Variants in CRHR2 observed in about 807,000 individuals in gnomAD.
CRHR2 encodes corticotropin releasing hormone receptor 2, also known as corticotropin-releasing hormone receptor 2.
Under a neutral mutation model 57.9 loss-of-function variants are expected in CRHR2, and 53 were observed. The ratio of observed to expected loss-of-function variants is 0.92; its 90% CI spans 0.73 to 1.15. The LOEUF (loss-of-function observed/expected upper bound fraction) is 1.15, where lower values mean the gene tolerates loss of function less well. Ranked by LOEUF, CRHR2 falls within the 50% of genes most tolerant of loss-of-function variation. The pLI, the probability that CRHR2 is intolerant of heterozygous loss-of-function variation, is 0.00. For missense variants in CRHR2, 532 were observed against 542.6 expected, an observed-to-expected ratio of 0.98 and a Z score of 0.19; for synonymous variants, 213 against 220.9, an observed-to-expected ratio of 0.96 and a Z score of 0.32.
chr7:30,654,877 A>G (rs1235446695), intron 11 of CRHR2, 162 bp downstream of exon 11: 1 of 1,550,116 alleles, frequency 6.5e-7, no homozygotes, highest in Admixed American at 2.0e-5. Flanking sequence ...AACTGGCTCC[A>G]GCCCCTGTGA....
upstream of CRHR2, chr7:30,686,494 T>C: frequency 6.6e-7 from 1 of 1,513,716 alleles, no homozygotes; most frequent in Non-Finnish European, 8.8e-7. Context: ...TGAGGAATTA[T>C]TTCAAGGTAT....
chr7:30,684,581 T>C (rs1172360853), upstream of CRHR2, among the ~76,000 whole-genome samples: 1 of 152,160 alleles, frequency 6.6e-6, no homozygotes, highest in African/African-American at 2.4e-5. Context: ...CCAAAGATTC[T>C]TCTGGGAAGT....
At chr7:30,654,214 G>A (rs1783688228) in intron 11 of CRHR2, among the ~76,000 whole-genome samples, 1 of 152,176 alleles carries the variant, frequency 6.6e-6, no homozygotes, top group African/African-American at 2.4e-5. Flanking sequence ...AAATTGGATG[G>A]TGTCTCTCAC....
intron 2 of CRHR2, among the ~76,000 whole-genome samples, chr7:30,678,543 T>C (rs377479342): frequency 1.4e-4 from 22 of 152,300 alleles, no homozygotes; most frequent in African/African-American, 5.3e-4. Flanking sequence ...CTGGGTAAGA[T>C]GGCTCAAGGC....
At chr7:30,654,643 G>A in intron 11 of CRHR2, 1 of 1,516,616 alleles carries the variant, frequency 6.6e-7, no homozygotes, top group Non-Finnish European at 8.8e-7. Flanking sequence ...CTTTTCTGTG[G>A]CAGGTAGCGG....
rs753661534 is a variant in CRHR2 at position 30,665,608 on chromosome 7, G to A, written c.347C>T (p.Ala116Val). The A allele has an allele frequency of 3.2e-6, 5 of 1,561,414 alleles. No individual in the cohort carries two copies. The South Asian group carries it at 4.7e-5, about 15-fold the overall frequency. Residue 116 changes from alanine to valine, a missense_variant, in exon 4 of 12, where the codon GCC (alanine) becomes GTC (valine). Physicochemically the swap from Ala to Val is moderately conservative, Grantham distance 64. Transcript: ENST00000471646. The surrounding 1 kb of genome is among the most constrained non-coding windows in gnomAD (Gnocchi z 4.5). ...GTGGCCCAGGTAGTTGACGACAAGG[G>A]CGATGCGGTAGTGCAGGTCATACTT... ...QRKYDLHYRI[A>V]LVVNYLGHCV...
chr7:30,680,850 GTGTGTA>G (rs1177221545), intron 2 of CRHR2, among the ~76,000 whole-genome samples: 5 of 136,326 alleles, frequency 3.7e-5, no homozygotes, highest in Non-Finnish European at 6.7e-5. Flanking sequence ...GTGTGTGTGT[GTGTGTA>G]TGTGTGGTGG....
chr7:30,694,641 C>T (rs1785022146), intron 1 of CRHR2, among the ~76,000 whole-genome samples: 1 of 152,146 alleles, frequency 6.6e-6, no homozygotes, highest in Non-Finnish European at 1.5e-5. Flanking sequence ...CCTCTGCTTC[C>T]CAAGGTCAGA....
chr7:30,664,237 T>G lies in CRHR2; in HGVS notation c.543+833A>C, dbSNP rs79199598. Among the ~76,000 whole-genome samples the G allele has an allele frequency of 2.1e-3, 315 of 152,358 alleles. 2 individuals carry two copies. Among genetic ancestry groups the G allele is most frequent in the Middle Eastern group, 3.4e-3 (1 of 294 alleles). ...AAGGAAATGTACTGAGAAGTCTCTG[T>G]CGGTGTGCCACAGGGCTCTGTGATG... On this transcript the variant is annotated intron_variant, in intron 5 of 11. Transcript: ENST00000471646.
intron 1 of CRHR2, among the ~76,000 whole-genome samples, chr7:30,696,658 A>G (rs546741080): frequency 2.0e-4 from 30 of 152,176 alleles, no homozygotes; most frequent in Admixed American, 3.9e-4. Flanking sequence ...CAGGAGGCAG[A>G]GGTTGCAGTG....
At position 30,655,732 on chromosome 7, in the gene CRHR2, GAC is replaced by G. The variant is rs774667497; in HGVS notation, c.918-19_918-18del. The G allele has an allele frequency of 6.2e-7, 1 of 1,611,664 alleles. No homozygotes were observed. The highest frequency in any genetic ancestry group is 8.5e-7 in the Non-Finnish European group (1 of 1,178,700). On this transcript the variant is annotated intron_variant, in intron 9 of 11. Transcript: ENST00000471646. ...ACTGCCTTCCTGGGGGCGAGAGGTG[GAC>G]ACAGGTCTGAGCCCATGCGGCAGGC...
In CRHR2 at chr7:30,665,485, T is replaced by G; in HGVS notation, c.425+45A>C. On this transcript the variant is annotated intron_variant, in intron 4 of 11. Transcript: ENST00000471646. This position sits in a 1 kb window ranked among gnomAD's most constrained non-coding sequence, Gnocchi z 4.5. ...TCTGGGAGAGGTGAAGGGGGTGCTG[T>G]AGGGGGAGGGATGAGGAGAAAGCAA... 1.4e-6 allele frequency: 2 copies of G among 1,445,076 alleles called. No homozygotes were observed. The highest frequency in any genetic ancestry group is 1.9e-6 in the Non-Finnish European group (2 of 1,051,184). The allele number at this position is 1,445,076 out of a possible 1,614,324, so 89.5% of individuals were successfully genotyped here. A position where few individuals can be genotyped will look rare whatever the true frequency, so the allele number is the denominator to read the frequency against.
chr7:30,682,793 G>C (rs1242998378), upstream of CRHR2: 2 of 152,828 alleles, frequency 1.3e-5, no homozygotes, highest in African/African-American at 2.4e-5. Flanking sequence ...TCTGCTAATC[G>C]AGGGACAGCC....
chr7:30,653,689 G>C lies in CRHR2; in HGVS notation c.1096-89C>G. On this transcript the variant is annotated intron_variant, in intron 11 of 11. Transcript: ENST00000471646. This position sits in a 1 kb window ranked among gnomAD's most constrained non-coding sequence, Gnocchi z 5.0. ...CCTCCTCTGCTTTCTGCTCTCATGG[G>C]TCGACTGCCACCCTCATGACAAGGA... 1 of 1,444,554 alleles carries C rather than the reference G, an allele frequency of 6.9e-7. No individual in the cohort carries two copies. Among genetic ancestry groups the C allele is most frequent in the Admixed American group, 2.5e-5 (1 of 40,334 alleles). 89.5% of individuals were successfully genotyped at this position (1,444,554 alleles called of 1,614,324 possible). A position where few individuals can be genotyped will look rare whatever the true frequency, so the allele number is the denominator to read the frequency against.
intron 2 of CRHR2, among the ~76,000 whole-genome samples, chr7:30,675,299 G>T (rs1401909399): frequency 6.6e-6 from 1 of 152,182 alleles, no homozygotes. Context: ...CGTCTTCAGG[G>T]CTCCAGGCTC....
intron 8 of CRHR2, among the ~76,000 whole-genome samples, chr7:30,660,099 A>G (rs1451302216): frequency 6.6e-6 from 1 of 152,248 alleles, no homozygotes; most frequent in Non-Finnish European, 1.5e-5. Context: ...AGGGAGCTGG[A>G]CAAGGAACAA....
chr7:30,654,605 T>G, intron 11 of CRHR2: 1 of 1,386,234 alleles, frequency 7.2e-7, no homozygotes, highest in Non-Finnish European at 9.7e-7. Context: ...GCCGCCTGAC[T>G]CCCCAGAGCC....
intron 2 of CRHR2, among the ~76,000 whole-genome samples, chr7:30,676,973 T>G (rs973322077): frequency 6.6e-6 from 1 of 152,068 alleles, no homozygotes; most frequent in African/African-American, 2.4e-5. Flanking sequence ...GAGCTTGAGG[T>G]CAAGGAGGCT....
At chr7:30,690,376 G>A (rs1246065263) in intron 1 of CRHR2, among the ~76,000 whole-genome samples, 4 of 151,996 alleles carry the variant, frequency 2.6e-5, no homozygotes, top group Non-Finnish European at 5.9e-5. Flanking sequence ...CTAACGCTTG[G>A]CCCCATTCCT....
Sources: gnomAD v4.1 joint callset for allele counts (sites outside exome capture counted in the v4.1 genomes callset) on GRCh38, gnomAD v4.1.1 for gene constraint, Gnocchi (gnomAD v3.1) non-coding constraint, MANE v1.5 for transcripts, NCBI Gene and HGNC (gene_info 2026-07-23, HGNC 2026-07-21) for gene names.